The following NRXN3 variants were observed in gnomAD, a reference collection of about 807,000 sequenced individuals.
NRXN3 encodes neurexin 3.
NRXN3 carries 32 observed loss-of-function variants against 137.6 expected under a neutral mutation model. That is an observed-to-expected ratio of 0.23 (90% CI 0.18 to 0.31). NRXN3 has a LOEUF of 0.31. NRXN3 is among the 10% of genes least tolerant of loss of function. NRXN3 has a pLI of 1.00. For missense variants in NRXN3, 1,574 were observed against 2,062.5 expected, an observed-to-expected ratio of 0.76 and a Z score of 4.59; for synonymous variants, 798 against 784.5, an observed-to-expected ratio of 1.02 and a Z score of -0.29.
intron 10 of NRXN3, among the ~76,000 whole-genome samples, chr14:78,817,237 C>A (rs939872581): frequency 6.6e-6 from 1 of 152,134 alleles, no homozygotes; most frequent in Admixed American, 6.5e-5. Context: ...CAAGTTGCTT[C>A]AACTCTTAGT....
intron 16 of NRXN3, among the ~76,000 whole-genome samples, chr14:79,472,874 C>A (rs2096527029): frequency 6.6e-6 from 1 of 152,142 alleles, no homozygotes; most frequent in Non-Finnish European, 1.5e-5. Context: ...CAACCTCTTT[C>A]ACCATCTGCA....
chr14:78,424,178 T>C (rs1439973172), intron 4 of NRXN3, among the ~76,000 whole-genome samples: 3 of 152,192 alleles, frequency 2.0e-5, no homozygotes, highest in Non-Finnish European at 4.4e-5. Flanking sequence ...TCTCCTACGT[T>C]TTTGCTACCA....
intron 2 of NRXN3, among the ~76,000 whole-genome samples, chr14:78,266,819 T>A (rs557311938): frequency 1.3e-5 from 2 of 152,204 alleles, no homozygotes; most frequent in Non-Finnish European, 2.9e-5. Context: ...TGCTTATTTT[T>A]TTTTAATGGG....
chr14:79,731,463 A>T (rs1603451561), intron 19 of NRXN3, among the ~76,000 whole-genome samples: 1 of 152,322 alleles, frequency 6.6e-6, no homozygotes, highest in East Asian at 1.9e-4. Context: ...TATATTTTCC[A>T]ATTTAACATT....
chr14:78,697,033 C>T (rs1490452600), intron 6 of NRXN3, among the ~76,000 whole-genome samples: 1 of 152,120 alleles, frequency 6.6e-6, no homozygotes. Flanking sequence ...CACAGTACAA[C>T]AGTCTTCCTT....
At chr14:79,720,278 G>A (rs1182155098) in intron 19 of NRXN3, among the ~76,000 whole-genome samples, 1 of 151,978 alleles carries the variant, frequency 6.6e-6, no homozygotes, top group Admixed American at 6.6e-5. Context: ...AACAATATGG[G>A]GGAAACTGTC....
At chr14:78,736,240 G>A (rs1477910200) in intron 8 of NRXN3, among the ~76,000 whole-genome samples, 2 of 152,290 alleles carry the variant, frequency 1.3e-5, no homozygotes, top group Admixed American at 6.5e-5. Context: ...TTCGCTTAGC[G>A]TGGCCATCCT....
At chr14:79,672,222 G>A (rs1474577631) in intron 17 of NRXN3, among the ~76,000 whole-genome samples, 1 of 151,990 alleles carries the variant, frequency 6.6e-6, no homozygotes, top group African/African-American at 2.4e-5. Flanking sequence ...ATTTAAAGAA[G>A]AAGTTGGAAT....
At chr14:78,358,260 G>C (rs1219423330) in intron 4 of NRXN3, among the ~76,000 whole-genome samples, 1 of 152,156 alleles carries the variant, frequency 6.6e-6, no homozygotes, top group Non-Finnish European at 1.5e-5. Flanking sequence ...TACTAAGTGT[G>C]GTTGTAAGTA....
At chr14:79,060,953 C>T (rs1595505202) in intron 15 of NRXN3, among the ~76,000 whole-genome samples, 2 of 152,134 alleles carry the variant, frequency 1.3e-5, no homozygotes, top group East Asian at 1.9e-4. Context: ...ATATCAAATA[C>T]TGTGTGGCAT....
intron 20 of NRXN3, among the ~76,000 whole-genome samples, chr14:79,821,905 A>T (rs992243057): frequency 1.3e-5 from 2 of 152,020 alleles, no homozygotes; most frequent in African/African-American, 4.8e-5. Context: ...TATTGATATT[A>T]TATATTAAGA....
intron 1 of NRXN3, among the ~76,000 whole-genome samples, chr14:78,206,877 T>G (rs562670709): frequency 5.3e-5 from 8 of 152,096 alleles, no homozygotes; most frequent in Non-Finnish European, 7.4e-5. Context: ...TTTTGTTTGT[T>G]TTTTGAGATG....
At chr14:78,862,720 G>A (rs2099075992) in intron 10 of NRXN3, among the ~76,000 whole-genome samples, 2 of 152,128 alleles carry the variant, frequency 1.3e-5, no homozygotes, top group Admixed American at 1.3e-4. Flanking sequence ...AGACCACTCT[G>A]TCATGAAAAC....
intron 4 of NRXN3, among the ~76,000 whole-genome samples, chr14:78,574,115 C>T (rs924159757): frequency 2.0e-5 from 3 of 152,192 alleles, no homozygotes; most frequent in African/African-American, 7.2e-5. Context: ...TGTGGGTGCA[C>T]AGAAGTCAAG....
rs563786950 is a variant in NRXN3 at position 79,086,336 on chromosome 14, G to C, written c.3262+98195G>C. On this transcript the variant is annotated intron_variant, in intron 15 of 20. Transcript: ENST00000335750. ...GGAAACCCAAATCTTTCTATTTTTA[G>C]ACCATTTGCCTCTCTACTAGGCCAT... Among the ~76,000 whole-genome samples, 3 of 152,212 alleles carry C rather than the reference G, an allele frequency of 2.0e-5. No homozygotes were observed. In the South Asian group the frequency reaches 6.2e-4, roughly 32 times the overall value.
At chr14:79,087,068 A>G (rs572831722) in intron 15 of NRXN3, among the ~76,000 whole-genome samples, 65 of 152,158 alleles carry the variant, frequency 4.3e-4, no homozygotes, top group Non-Finnish European at 8.1e-4. Context: ...GAAGTGGCCA[A>G]CCTGAAGATC....
chr14:78,967,386 C>A lies in NRXN3; in HGVS notation c.2956C>A (p.Leu986Met). The A allele has an allele frequency of 6.2e-7, 1 of 1,613,190 alleles. No individual in the cohort carries two copies. Among genetic ancestry groups the A allele is most frequent in the South Asian group, 1.1e-5 (1 of 91,016 alleles). ...TCAGGTTATCAATGGTGCCAAAAAT[C>A]TGGATTTGAAAGGTAAACCTTGTAA... The part of the protein sequence containing the change: ...VTQVINGAKN[L>M]DLKGDLYMAG... Residue 986 changes from leucine to methionine, a missense_variant, in exon 13 of 21, where the codon CTG becomes ATG. By Grantham distance (15) the Leu-to-Met change is conservative (BLOSUM62 2). This residue lies in a region of NRXN3 where 718 missense variants were observed against 887.6 expected (regional missense o/e 0.81). Transcript: ENST00000335750.
rs535413133 is a variant in NRXN3, at chr14:79,684,885, A to G, written c.3617-7288A>G. ...AGAACAACATTACAGAGAAGCAGAG[A>G]TGACACAGAGGGTGGACACGTGGGA... On this transcript the variant is annotated intron_variant, in intron 17 of 20. Coordinates refer to ENST00000335750, the MANE Select transcript of NRXN3 (RefSeq NM_001330195.2). 9.2e-5 allele frequency among the ~76,000 whole-genome samples: 14 copies of G among 152,224 alleles called. 1 individual carries two copies. In the South Asian group the frequency reaches 2.7e-3, roughly 29 times the overall value.
chr14:79,167,906 C>T (rs1454411920), intron 15 of NRXN3, among the ~76,000 whole-genome samples: 1 of 150,990 alleles, frequency 6.6e-6, no homozygotes, highest in East Asian at 2.0e-4. Context: ...CCAAATCTAC[C>T]TGCCTTTTCT....
Sources: allele counts gnomAD v4.1 joint callset (sites outside exome capture counted in the v4.1 genomes callset), GRCh38; gene constraint gnomAD v4.1.1; regional missense constraint gnomAD v4.1.1; transcripts MANE v1.5; gene names NCBI Gene and HGNC (gene_info 2026-07-23, HGNC 2026-07-21).